Variants in STIM1 observed in about 807,000 individuals in gnomAD.
STIM1 encodes the protein stromal interaction molecule 1.
A neutral mutation model predicts 74.7 loss-of-function variants in STIM1; 25 were observed. The ratio of observed to expected loss-of-function variants is 0.33; its 90% CI spans 0.24 to 0.47. The LOEUF (loss-of-function observed/expected upper bound fraction) is 0.47, where lower values mean the gene tolerates loss of function less well. STIM1 is among the 20% of genes least tolerant of loss of function. The pLI is 1.00. For synonymous variants in STIM1, 328 were observed against 348.8 expected (o/e 0.94, Z 0.66); for missense variants, 728 against 920.8 (o/e 0.79, Z 2.71).
At chr11:4,006,333 T>C (rs534256103) in intron 2 of STIM1, among the ~76,000 whole-genome samples, 2 of 152,344 alleles carry the variant, frequency 1.3e-5, no homozygotes, top group South Asian at 4.1e-4. Flanking sequence ...GCTGCTATGC[T>C]TCCTGTACAG....
Position 4,091,465 on chromosome 11 carries a change from C to A in STIM1, c.1818C>A (p.Ser606Arg), listed in dbSNP as rs761861717. The A allele has an allele frequency of 3.7e-6, 6 of 1,614,222 alleles. No individual in the cohort carries two copies. The Admixed American group carries it at 8.3e-5, about 22-fold the overall frequency. ...CTCTGGTGGAGAAACTGCCTGACAGCCCTGCCCTGGCCAAGAAGGCATTAC... is the reference window on the plus strand; with the variant it reads ...CTCTGGTGGAGAAACTGCCTGACAGACCTGCCCTGGCCAAGAAGGCATTAC... The part of the protein sequence containing the change: ...PGSLVEKLPD[S>R]PALAKKALLA... Residue 606 changes from serine to arginine, a missense_variant, in exon 13 of 13, where the codon AGC (serine) becomes AGA (arginine). Coordinates refer to ENST00000526596, the MANE Select transcript of STIM1 (RefSeq NM_001382567.1).
At chr11:3,861,455 T>C (rs756211531) in intron 1 of STIM1, among the ~76,000 whole-genome samples, 13 of 152,228 alleles carry the variant, frequency 8.5e-5, no homozygotes, top group Non-Finnish European at 1.8e-4. Flanking sequence ...AGGATGGTCT[T>C]GATCTCCTGA....
intron 2 of STIM1, among the ~76,000 whole-genome samples, chr11:4,010,818 CA>C (rs1483483139): frequency 6.6e-6 from 1 of 152,076 alleles, no homozygotes; most frequent in Non-Finnish European, 1.5e-5. Context: ...TTACTGCACC[CA>C]TCAAGTTGTC....
Position 4,082,352 on chromosome 11 carries a change from G to T in STIM1, c.1137+1G>T. ...GCAGCTGCTGGTGGCCAAGGAGGGG[G>T]TGAGAACAGCCCTTCTATTGTCCTC... On this transcript the variant is annotated splice_donor_variant, in intron 8 of 12. Transcript: ENST00000526596. LOFTEE classifies it high-confidence loss of function. The T allele has an allele frequency of 6.2e-7, 1 of 1,609,900 alleles. No homozygotes were observed. Among genetic ancestry groups the T allele is most frequent in the Non-Finnish European group, 8.5e-7 (1 of 1,178,500 alleles).
chr11:4,038,154 C>A (rs939113287), intron 3 of STIM1, among the ~76,000 whole-genome samples: 1 of 151,728 alleles, frequency 6.6e-6, no homozygotes, highest in Admixed American at 6.6e-5. Flanking sequence ...CGTGCCCCAG[C>A]CTCCTGAGTA....
intron 2 of STIM1, among the ~76,000 whole-genome samples, chr11:3,972,108 A>AT (rs1484197052): frequency 1.3e-5 from 2 of 152,102 alleles, no homozygotes; most frequent in Non-Finnish European, 2.9e-5. Context: ...AGGACCTGAG[A>AT]TTTTTATAAG....
intron 2 of STIM1, among the ~76,000 whole-genome samples, chr11:3,974,503 C>CT (rs1260517818): frequency 7.2e-6 from 1 of 139,608 alleles, no homozygotes; most frequent in Admixed American, 7.4e-5. Flanking sequence ...TAGGGAGACT[C>CT]TATCTCTACC....
chr11:4,067,332 T>C (rs2094374238), intron 5 of STIM1, among the ~76,000 whole-genome samples: 1 of 152,198 alleles, frequency 6.6e-6, no homozygotes, highest in Admixed American at 6.5e-5. Flanking sequence ...TTGTGTTTAA[T>C]CTTAAGGCCT....
At chr11:3,949,476 A>G (rs1407409394) in intron 1 of STIM1, among the ~76,000 whole-genome samples, 1 of 152,206 alleles carries the variant, frequency 6.6e-6, no homozygotes, top group African/African-American at 2.4e-5. Flanking sequence ...AAGGCCAAGT[A>G]TTCCCAGTCT....
chr11:3,898,182 C>T (rs957623104), intron 1 of STIM1, among the ~76,000 whole-genome samples: 2 of 150,786 alleles, frequency 1.3e-5, no homozygotes, highest in African/African-American at 4.9e-5. Flanking sequence ...CCTGTTGTTT[C>T]CTGACTTTTT....
intron 2 of STIM1, among the ~76,000 whole-genome samples, chr11:3,989,649 A>C (rs1258388844): frequency 1.3e-5 from 2 of 152,264 alleles, no homozygotes; most frequent in African/African-American, 4.8e-5. Context: ...GCTAAAGAAG[A>C]ATTTCAAGAT....
In STIM1 at chr11:3,957,730, T is replaced by A. The variant is rs540208885; in HGVS notation, c.140-9822T>A. The stretch of plus-strand genomic sequence containing the variant: ...ACTAGCACACTGGGCTAATTAAAAA[T>A]TTTTTTTTCTTCCTTTGTAGAGATG... On this transcript the variant is annotated intron_variant, in intron 1 of 12. Coordinates refer to ENST00000526596, the MANE Select transcript of STIM1 (RefSeq NM_001382567.1). Among the ~76,000 whole-genome samples, 9 of 151,828 alleles carry A rather than the reference T, an allele frequency of 5.9e-5. No homozygotes were observed. The South Asian group carries it at 1.0e-3, about 18-fold the overall frequency.
intron 1 of STIM1, among the ~76,000 whole-genome samples, chr11:3,933,154 G>A (rs2092890618): frequency 6.6e-6 from 1 of 152,168 alleles, no homozygotes; most frequent in South Asian, 2.1e-4. Flanking sequence ...ATAGACAAAA[G>A]TCTTAGCGGC....
intron 5 of STIM1, among the ~76,000 whole-genome samples, chr11:4,060,845 A>G (rs1424169602): frequency 1.3e-5 from 2 of 152,206 alleles, no homozygotes; most frequent in East Asian, 3.8e-4. Context: ...TGGGGGCACA[A>G]ACTAGGGAGG....
chr11:4,043,267 G>T (rs1376623314), intron 3 of STIM1, among the ~76,000 whole-genome samples: 1 of 152,122 alleles, frequency 6.6e-6, no homozygotes, highest in Non-Finnish European at 1.5e-5. Context: ...CATGAAAATT[G>T]TTCTTAATCA....
chr11:4,015,304 A>G (rs1339996546), intron 2 of STIM1, among the ~76,000 whole-genome samples: 1 of 152,200 alleles, frequency 6.6e-6, no homozygotes, highest in Non-Finnish European at 1.5e-5. Context: ...TCCTTCACTT[A>G]TGAAGCTTAG....
intron 2 of STIM1, among the ~76,000 whole-genome samples, chr11:3,979,816 A>T (rs775777624): frequency 1.3e-5 from 2 of 151,998 alleles, no homozygotes; most frequent in Non-Finnish European, 1.5e-5. Context: ...TAAACATTTT[A>T]TGTTTATTTC....
intron 2 of STIM1, among the ~76,000 whole-genome samples, chr11:4,006,561 C>T (rs997950388): frequency 1.6e-4 from 25 of 152,092 alleles, no homozygotes; most frequent in African/African-American, 6.0e-4. Flanking sequence ...ATTACAGGCA[C>T]AAGCCATGAT....
intron 1 of STIM1, among the ~76,000 whole-genome samples, chr11:3,869,109 C>A (rs1379745857): frequency 6.6e-6 from 1 of 152,158 alleles, no homozygotes; most frequent in Admixed American, 6.5e-5. Context: ...GCGGGGACTA[C>A]AGGCGCCAGC....
Sources: gnomAD v4.1 joint callset for allele counts (sites outside exome capture counted in the v4.1 genomes callset) on GRCh38, gnomAD v4.1.1 for gene constraint, MANE v1.5 for transcripts, NCBI Gene and HGNC (gene_info 2026-07-23, HGNC 2026-07-21) for gene names.